LRP6: variants seen among roughly 807,000 people sequenced by gnomAD.
The protein encoded by LRP6 is low-density lipoprotein receptor-related protein 6.
A neutral mutation model predicts 184.1 loss-of-function variants in LRP6; 43 were observed. The ratio of observed to expected loss-of-function variants is 0.23; its 90% CI spans 0.18 to 0.30. The LOEUF (loss-of-function observed/expected upper bound fraction) is 0.30. Among genes scored for constraint, LRP6 ranks in the 10% least tolerant of loss-of-function variants. LRP6 has a pLI of 1.00. For synonymous variants in LRP6, 719 were observed against 684.9 expected, an observed-to-expected ratio of 1.05 and a Z score of -0.78; for missense variants, 1,571 against 2,005.3, an observed-to-expected ratio of 0.78 and a Z score of 4.14.
chr12:12,205,735 T>G (rs1218953590), intron 2 of LRP6, among the ~76,000 whole-genome samples: 1 of 152,168 alleles, frequency 6.6e-6, no homozygotes, highest in Non-Finnish European at 1.5e-5. Flanking sequence ...GAACAGAAAT[T>G]CAAACCTACA....
intron 7 of LRP6, among the ~76,000 whole-genome samples, chr12:12,170,607 C>G (rs1342491845): frequency 6.6e-6 from 1 of 152,070 alleles, no homozygotes; most frequent in Non-Finnish European, 1.5e-5. Context: ...TGACTACATA[C>G]AGCCTATAAT....
At chr12:12,125,165 G>A (rs570547673) in intron 21 of LRP6, 131 bp downstream of exon 21, 1 of 996,744 alleles carries the variant, frequency 1.0e-6, no homozygotes, top group East Asian at 2.5e-5. Context: ...TAAGTCCTTT[G>A]AGCCTTTTAT....
rs554201561 is a variant in LRP6, at chr12:12,145,515, C to T, written c.3397+1851G>A. Among the ~76,000 whole-genome samples, 4 of 146,340 alleles carry T rather than the reference C, an allele frequency of 2.7e-5. No homozygotes were observed. The South Asian group carries it at 9.2e-4, about 34-fold the overall frequency. ...GTTTCTTTTCCCCTCTCCTCTCTCC[C>T]CTCCCTCCCTCCCTCCCTCCCCCTT... On this transcript the variant is annotated intron_variant, in intron 15 of 22. Coordinates refer to ENST00000261349, the MANE Select transcript of LRP6 (RefSeq NM_002336.3).
chr12:12,146,623 C>T (rs1364195592), intron 15 of LRP6, among the ~76,000 whole-genome samples: 2 of 152,202 alleles, frequency 1.3e-5, no homozygotes, highest in African/African-American at 4.8e-5. Flanking sequence ...AAGGTGAATA[C>T]TAACTTATAC....
chr12:12,164,268 C>T lies in LRP6; in HGVS notation c.2052+5G>A. On this transcript the variant is annotated splice_donor_5th_base_variant and intron_variant, in intron 9 of 22. Coordinates refer to ENST00000261349, the MANE Select transcript of LRP6 (RefSeq NM_002336.3). Reference sequence around the variant, plus strand: ...TAGCTTTAATATTCCAATTCTTTTGCTAACCTTGAGTGATATATCAGTCCA... The same window carrying T: ...TAGCTTTAATATTCCAATTCTTTTGTTAACCTTGAGTGATATATCAGTCCA... 1 of 1,613,144 alleles carries T rather than the reference C, an allele frequency of 6.2e-7. No homozygotes were observed. Among genetic ancestry groups the T allele is most frequent in the Non-Finnish European group, 8.5e-7 (1 of 1,179,738 alleles).
chr12:12,225,062 G>A (rs1244741083), intron 2 of LRP6, among the ~76,000 whole-genome samples: 8 of 151,970 alleles, frequency 5.3e-5, no homozygotes, highest in Admixed American at 1.3e-4. Flanking sequence ...AAAATTAGCC[G>A]GTTGTGGTGG....
chr12:12,142,045 A>G (rs528562505), intron 15 of LRP6, among the ~76,000 whole-genome samples: 1 of 152,326 alleles, frequency 6.6e-6, no homozygotes, highest in South Asian at 2.1e-4. Context: ...TAACGTCTAA[A>G]AGAGAAAAAT....
intron 7 of LRP6, among the ~76,000 whole-genome samples, chr12:12,166,270 T>C (rs1474261101): frequency 6.6e-6 from 1 of 152,144 alleles, no homozygotes; most frequent in Admixed American, 6.6e-5. Flanking sequence ...TGCTGCATCT[T>C]TCAGAACAGA....
At chr12:12,161,797 TAAATGTAGTTTTTTCTTAGCTCACAA>T (rs1434608131) in intron 10 of LRP6, among the ~76,000 whole-genome samples, 14 of 152,204 alleles carry the variant, frequency 9.2e-5, no homozygotes, top group Admixed American at 7.9e-4. Flanking sequence ...TAAAGCTTTT[TAAATGTAGTTTTTTCTTAGCTCACAA>T]CATTGTTTCG....
At chr12:12,123,265 A>G (rs924248105) in intron 22 of LRP6, among the ~76,000 whole-genome samples, 7 of 152,352 alleles carry the variant, frequency 4.6e-5, no homozygotes, top group Admixed American at 2.6e-4. Flanking sequence ...AAAATTTTGT[A>G]TCTTTCTCCT....
chr12:12,207,604 C>T (rs1591948285), intron 2 of LRP6, among the ~76,000 whole-genome samples: 1 of 151,952 alleles, frequency 6.6e-6, no homozygotes, highest in South Asian at 2.1e-4. Context: ...CTGGTGGGGG[C>T]AAGCAACAAA....
chr12:12,138,242 A>G, intron 16 of LRP6, 83 bp downstream of exon 16: 2 of 1,301,224 alleles, frequency 1.5e-6, no homozygotes, highest in Non-Finnish European at 2.2e-6. Flanking sequence ...TCAAGGAAAC[A>G]GAGTTTAAAA....
chr12:12,201,172 C>G (rs1003677249), intron 3 of LRP6, among the ~76,000 whole-genome samples: 2 of 152,112 alleles, frequency 1.3e-5, no homozygotes, highest in Non-Finnish European at 2.9e-5. Context: ...TTTATCTGAA[C>G]CTTCTCTTTC....
chr12:12,201,519 C>G (rs1179479231), intron 3 of LRP6, among the ~76,000 whole-genome samples: 2 of 152,034 alleles, frequency 1.3e-5, no homozygotes, highest in African/African-American at 4.8e-5. Flanking sequence ...TATGAGACAC[C>G]CTGTTAAATC....
chr12:12,230,294 G>C (rs1198660657), intron 2 of LRP6, among the ~76,000 whole-genome samples: 2 of 151,908 alleles, frequency 1.3e-5, no homozygotes, highest in Admixed American at 6.6e-5. Flanking sequence ...ACAATCCAAA[G>C]CATTTAATTT....
chr12:12,212,741 A>G (rs1210874901), intron 2 of LRP6, among the ~76,000 whole-genome samples: 3 of 152,204 alleles, frequency 2.0e-5, no homozygotes. Context: ...AAATGGTCTC[A>G]TAGAGAGAAT....
rs145830477 is a variant in LRP6, at chr12:12,149,763, C to A, written c.2995-610G>T. Among the ~76,000 whole-genome samples the A allele has an allele frequency of 1.2e-3, 188 of 152,274 alleles. No homozygotes were observed. The Middle Eastern group carries it at 0.02, about 17-fold the overall frequency. On this transcript the variant is annotated intron_variant, in intron 13 of 22. Transcript: ENST00000261349. The stretch of plus-strand genomic sequence containing the variant: ...TAAAGGCTACAAATCAAGTCATCTC[C>A]TTTTCTGATCCTCAAGTCTACACAT...
At chr12:12,263,601 G>A (rs1317090557) in intron 1 of LRP6, among the ~76,000 whole-genome samples, 5 of 148,900 alleles carry the variant, frequency 3.4e-5, no homozygotes, top group African/African-American at 5.0e-5. Context: ...CCAGAACTCC[G>A]AGAGGCGGAG....
intron 2 of LRP6, among the ~76,000 whole-genome samples, chr12:12,221,604 G>C (rs541588277): frequency 5.3e-5 from 8 of 152,194 alleles, no homozygotes; most frequent in African/African-American, 1.4e-4. Context: ...AATTGGTCTG[G>C]GCTCGAACTC....
Sources: allele counts gnomAD v4.1 joint callset (sites outside exome capture counted in the v4.1 genomes callset), GRCh38; gene constraint gnomAD v4.1.1; transcripts MANE v1.5; gene names NCBI Gene and HGNC (gene_info 2026-07-23, HGNC 2026-07-21).